Variants in PLD5 observed in about 807,000 individuals in gnomAD.
PLD5 encodes inactive phospholipase D5.
A neutral mutation model predicts 61.1 loss-of-function variants in PLD5; 36 were observed. The ratio of observed to expected loss-of-function variants is 0.59; its 90% confidence interval spans 0.45 to 0.78. PLD5 has a LOEUF of 0.78. Ranked by LOEUF, PLD5 falls within the 30% of genes least tolerant of loss-of-function variation. PLD5 has a pLI of 0.00. For synonymous variants in PLD5, 243 were observed against 242.8 expected, an observed-to-expected ratio of 1.00 and a Z score of -0.01; for missense variants, 515 against 644.4, an observed-to-expected ratio of 0.80 and a Z score of 2.17.
chr1:242,170,569 A>G (rs527379377), intron 5 of PLD5, among the ~76,000 whole-genome samples: 1 of 152,222 alleles, frequency 6.6e-6, no homozygotes, highest in Non-Finnish European at 1.5e-5. Flanking sequence ...ATGAATTGAC[A>G]TAAGTAGGCT....
chr1:242,411,670 T>C (rs1041911818), intron 1 of PLD5, among the ~76,000 whole-genome samples: 1 of 152,156 alleles, frequency 6.6e-6, no homozygotes, highest in East Asian at 1.9e-4. Flanking sequence ...TTAATTGAAA[T>C]TTTTTTGAGA....
At chr1:242,339,318 C>T (rs564419753) in intron 2 of PLD5, among the ~76,000 whole-genome samples, 16 of 151,808 alleles carry the variant, frequency 1.1e-4, no homozygotes, top group Middle Eastern at 6.9e-3. Context: ...TTCAGGGAAA[C>T]AAACAAACAA....
chr1:242,395,635 C>T (rs1342821110), intron 1 of PLD5, among the ~76,000 whole-genome samples: 2 of 152,096 alleles, frequency 1.3e-5, no homozygotes, highest in Non-Finnish European at 2.9e-5. Flanking sequence ...TCCAGAGTGA[C>T]AGATGAGATA....
intron 1 of PLD5, among the ~76,000 whole-genome samples, chr1:242,395,347 A>G (rs896839578): frequency 1.3e-4 from 19 of 151,988 alleles, no homozygotes; most frequent in Admixed American, 9.9e-4. Context: ...TGCTTGAAAA[A>G]CAGATCCCAT....
At chr1:242,525,178 T>G (rs541134757), upstream of PLD5, among the ~76,000 whole-genome samples, 62 of 152,174 alleles carry the variant, frequency 4.1e-4, no homozygotes, top group African/African-American at 1.5e-3. Context: ...GAGAGACATG[T>G]GTTTTCTGGA....
intron 5 of PLD5, among the ~76,000 whole-genome samples, chr1:242,172,126 T>C (rs1267062827): frequency 1.3e-5 from 2 of 152,186 alleles, no homozygotes; most frequent in Admixed American, 6.5e-5. Context: ...GACCACGTAA[T>C]TGAAGGAAAA....
At chr1:242,385,889 C>T (rs1219287705) in intron 1 of PLD5, among the ~76,000 whole-genome samples, 4 of 152,106 alleles carry the variant, frequency 2.6e-5, no homozygotes, top group African/African-American at 9.7e-5. Flanking sequence ...TTCAAAGCTG[C>T]TGTAGTGAAA....
chr1:242,403,427 G>A (rs146937398), intron 1 of PLD5, among the ~76,000 whole-genome samples: 7 of 151,344 alleles, frequency 4.6e-5, no homozygotes, highest in Non-Finnish European at 7.4e-5. Flanking sequence ...GGAGACAGGC[G>A]GCAGTGGCTT....
intron 1 of PLD5, among the ~76,000 whole-genome samples, chr1:242,483,927 A>C (rs1439894920): frequency 2.0e-5 from 3 of 151,804 alleles, no homozygotes; most frequent in African/African-American, 7.3e-5. Flanking sequence ...ACTCAACTAC[A>C]TGGAAACTGG....
chr1:242,467,028 T>C (rs539347983), intron 1 of PLD5, among the ~76,000 whole-genome samples: 11 of 152,224 alleles, frequency 7.2e-5, no homozygotes, highest in African/African-American at 2.4e-4. Flanking sequence ...GTTTTCAAGA[T>C]CTATTGCACA....
intron 2 of PLD5, among the ~76,000 whole-genome samples, chr1:242,297,671 C>T (rs367865735): frequency 0.018 from 2,587 of 143,616 alleles, 87 homozygotes; most frequent in African/African-American, 0.065. Flanking sequence ...CTCGCTCTGT[C>T]GCCCAGGCCG....
At chr1:242,515,122 T>C (rs1669061207) in intron 1 of PLD5, among the ~76,000 whole-genome samples, 2 of 152,188 alleles carry the variant, frequency 1.3e-5, no homozygotes, top group Admixed American at 6.5e-5. Context: ...GAAGCCTCCT[T>C]CGTGCCCATT....
At position 242,524,326 on chromosome 1, in the gene PLD5, C is replaced by G; in HGVS notation, c.-50G>C. 7.4e-7 allele frequency: 1 copy of G among 1,351,532 alleles called. No homozygotes were observed. Among genetic ancestry groups the G allele is most frequent in the Non-Finnish European group, 9.4e-7 (1 of 1,058,764 alleles). 83.7% of individuals were successfully genotyped at this position (1,351,532 alleles called of 1,614,324 possible). A position where few individuals can be genotyped will look rare whatever the true frequency, so the allele number is the denominator to read the frequency against. ...GCGAGCAGCGGACTCGGGACGGGCG[C>G]GCGGGGAGCCGGGCGCGGAGGGCGA... On this transcript the variant is annotated 5_prime_UTR_variant, in exon 1 of 10. Coordinates refer to ENST00000536534, the MANE Select transcript of PLD5 (RefSeq NM_001372062.1).
At chr1:242,173,016 C>A (rs1157194436) in intron 5 of PLD5, among the ~76,000 whole-genome samples, 1 of 152,148 alleles carries the variant, frequency 6.6e-6, no homozygotes, top group East Asian at 1.9e-4. Flanking sequence ...CCCTCTCTCA[C>A]CACTCCTATT....
intron 5 of PLD5, among the ~76,000 whole-genome samples, chr1:242,190,428 G>A (rs564829306): frequency 2.9e-4 from 44 of 151,808 alleles, no homozygotes; most frequent in South Asian, 1.0e-3. Context: ...TTACAGGCGT[G>A]AGCCACCGCG....
intron 1 of PLD5, among the ~76,000 whole-genome samples, chr1:242,379,275 G>A (rs1442157435): frequency 6.6e-6 from 1 of 152,098 alleles, no homozygotes; most frequent in Non-Finnish European, 1.5e-5. Context: ...AATCTACTGA[G>A]CTACCCTTCA....
intron 1 of PLD5, among the ~76,000 whole-genome samples, chr1:242,515,623 G>GAT (rs1207287614): frequency 3.3e-5 from 5 of 152,142 alleles, no homozygotes; most frequent in Admixed American, 2.0e-4. Context: ...AGATGCAATA[G>GAT]ATATATATAA....
intron 5 of PLD5, among the ~76,000 whole-genome samples, chr1:242,191,479 G>A (rs534453961): frequency 3.3e-5 from 5 of 152,146 alleles, no homozygotes; most frequent in East Asian, 1.9e-4. Context: ...CCAGCTACTC[G>A]GGAGGCTGAG....
chr1:242,402,818 T>C (rs772136089), intron 1 of PLD5, among the ~76,000 whole-genome samples: 9 of 152,212 alleles, frequency 5.9e-5, no homozygotes, highest in Non-Finnish European at 1.2e-4. Context: ...AAAGTGAATA[T>C]AATTCCTATG....
Sources: gnomAD v4.1 joint callset for allele counts (sites outside exome capture counted in the v4.1 genomes callset) on GRCh38, gnomAD v4.1.1 for gene constraint, MANE v1.5 for transcripts, NCBI Gene and HGNC (gene_info 2026-07-23, HGNC 2026-07-21) for gene names.